Variants in SLC8A2 observed in about 807,000 individuals in gnomAD.
SLC8A2 encodes solute carrier family 8 member A2.
SLC8A2 carries 14 observed loss-of-function variants against 70.2 expected under a neutral mutation model. That is an observed-to-expected ratio of 0.20 (90% CI 0.13 to 0.31). SLC8A2 has a LOEUF of 0.31. Ranked by LOEUF, SLC8A2 falls within the 10% of genes least tolerant of loss-of-function variation. The probability of loss-of-function intolerance (pLI) is 1.00; values close to 1 mark genes in which losing one functional copy is unlikely to be tolerated. For synonymous variants in SLC8A2, 575 were observed against 594.3 expected, an observed-to-expected ratio of 0.97 and a Z score of 0.47; for missense variants, 779 against 1,320.1, an observed-to-expected ratio of 0.59 and a Z score of 6.35.
In SLC8A2 at chr19:47,465,934, G is replaced by A. The variant is rs369618746; in HGVS notation, c.470C>T (p.Ala157Val). ...VIEVCGHNFQAGELGPGTIVG... is the reference protein window; with the variant it reads ...VIEVCGHNFQVGELGPGTIVG... ...GATGGTGCCTGGGCCCAGCTCACCC[G>A]CCTGGAAGTTGTGGCCGCAGACTTC... is the stretch of plus-strand genomic sequence containing the variant. The change falls in exon 2 of 10, where the codon GCG becomes GTG. Residue 157 changes from alanine (A) to valine (V), a missense_variant. Coordinates refer to ENST00000236877, the MANE Select transcript of SLC8A2 (RefSeq NM_015063.3). The surrounding 1 kb of genome is among the most constrained non-coding windows in gnomAD (Gnocchi z 5.5). 5 of 1,614,136 alleles carry A rather than the reference G, an allele frequency of 3.1e-6. No homozygotes were observed. The highest frequency in any genetic ancestry group is 1.7e-5 in the Admixed American group (1 of 60,020).
Position 47,430,550 on chromosome 19 carries a change from C to G in SLC8A2, c.2390-85G>C. 1 of 1,402,712 alleles carries G rather than the reference C, an allele frequency of 7.1e-7. No homozygotes were observed. The highest frequency in any genetic ancestry group is 2.7e-5 in the Admixed American group (1 of 37,312). 86.9% of individuals were successfully genotyped at this position (1,402,712 alleles called of 1,614,324 possible). ...ATCCGCCTGCCCCCTCCCAGCCTTT[C>G]CCGGTCGCCTGCTTTCTGCGGGCAG... On this transcript the variant is annotated intron_variant, in intron 9 of 9. Transcript: ENST00000236877. This position sits in a 1 kb window ranked among gnomAD's most constrained non-coding sequence, Gnocchi z 5.9.
At position 47,447,668 on chromosome 19, in the gene SLC8A2, G is replaced by A; in HGVS notation, c.1763+141C>T. On this transcript the variant is annotated intron_variant, in intron 4 of 9. Transcript: ENST00000236877. The surrounding 1 kb of genome is among the most constrained non-coding windows in gnomAD (Gnocchi z 5.1). Reference sequence around the variant, plus strand: ...CCGCCCACGTTGCGGGCACGGCCACGCAGGCCCCTCCCCTCCCGAGGCCCA... The same window carrying A: ...CCGCCCACGTTGCGGGCACGGCCACACAGGCCCCTCCCCTCCCGAGGCCCA... The A allele has an allele frequency of 2.3e-6, 2 of 874,250 alleles. No individual in the cohort carries two copies. The highest frequency in any genetic ancestry group is 3.3e-6 in the Non-Finnish European group (2 of 609,354). The allele number at this position is 874,250 out of a possible 1,614,324, so 54.2% of individuals were successfully genotyped here.
In SLC8A2 at chr19:47,465,572, G is replaced by T. The variant is rs1004708578; in HGVS notation, c.675+157C>A. Reference sequence around the variant, plus strand: ...TTGCCCTGTTTGGCTCAATTCCCTTGTGTAGTCTGGTGACCTGCACAACCG... The same window carrying T: ...TTGCCCTGTTTGGCTCAATTCCCTTTTGTAGTCTGGTGACCTGCACAACCG... On this transcript the variant is annotated intron_variant, in intron 2 of 9. Coordinates refer to ENST00000236877, the MANE Select transcript of SLC8A2 (RefSeq NM_015063.3). This position sits in a 1 kb window ranked among gnomAD's most constrained non-coding sequence, Gnocchi z 5.5. Among the ~76,000 whole-genome samples, 3 of 152,216 alleles carry T rather than the reference G, an allele frequency of 2.0e-5. No homozygotes were observed. The highest frequency in any genetic ancestry group is 2.9e-5 in the Non-Finnish European group (2 of 68,048).
intron 8 of SLC8A2, among the ~76,000 whole-genome samples, chr19:47,435,771 C>T (rs1441728335): frequency 3.9e-5 from 6 of 152,090 alleles, no homozygotes; most frequent in Admixed American, 2.6e-4. Flanking sequence ...TGGTCTCGAA[C>T]TCCTGACCTC....
In SLC8A2 at chr19:47,429,998, C is replaced by G; in HGVS notation, c.*91G>C. 7.3e-7 allele frequency: 1 copy of G among 1,367,636 alleles called. No individual in the cohort carries two copies. Among genetic ancestry groups the G allele is most frequent in the East Asian group, 2.5e-5 (1 of 39,776 alleles). 84.7% of individuals were successfully genotyped at this position (1,367,636 alleles called of 1,614,324 possible). A position where few individuals can be genotyped will look rare whatever the true frequency, so the allele number is the denominator to read the frequency against. ...CGAGTCCCAGGAGAGGAGGCCGAGT[C>G]TGGGGGGAAAAGGAGACCAGGGTCC... is the stretch of plus-strand genomic sequence containing the variant. On this transcript the variant is annotated 3_prime_UTR_variant, in exon 10 of 10. Coordinates refer to ENST00000236877, the MANE Select transcript of SLC8A2 (RefSeq NM_015063.3).
chr19:47,449,912 G>A (rs1189926694), intron 3 of SLC8A2, among the ~76,000 whole-genome samples: 4 of 152,142 alleles, frequency 2.6e-5, no homozygotes, highest in Non-Finnish European at 5.9e-5. Context: ...GCAGAGGAGG[G>A]ACACGAGCTG....
At position 47,457,567 on chromosome 19, in the gene SLC8A2, A is replaced by G; in HGVS notation, c.703T>C (p.Phe235Leu). The G allele has an allele frequency of 6.3e-7, 1 of 1,580,950 alleles. No homozygotes were observed. Among genetic ancestry groups the G allele is most frequent in the Non-Finnish European group, 8.6e-7 (1 of 1,163,536 alleles). ...GCGAATACCACGCACACCGGGAAGA[A>G]GACCAGGGTCAGCAGCGCCTCCCAC... Reference protein sequence around the residue: ...QVWEALLTLVFFPVCVVFAWM... With the variant: ...QVWEALLTLVLFPVCVVFAWM... The change falls in exon 3 of 10, where the codon TTC (phenylalanine) becomes CTC (leucine). Residue 235 changes from phenylalanine to leucine, a missense_variant. Transcript: ENST00000236877.
rs115818790 is a variant in SLC8A2 at position 47,443,503 on chromosome 19, C to G, written c.1764-2063G>C. 2.9e-3 allele frequency among the ~76,000 whole-genome samples: 444 copies of G among 152,308 alleles called. 2 individuals carry two copies. The highest frequency in any genetic ancestry group is 0.01 in the African/African-American group (416 of 41,564). ...ACACAGTCACCCAATCGAGGAAGCA[C>G]AGCCGATCACACCGCCCACACCCAC... On this transcript the variant is annotated intron_variant, in intron 4 of 9. Coordinates refer to ENST00000236877, the MANE Select transcript of SLC8A2 (RefSeq NM_015063.3).
At position 47,447,140 on chromosome 19, in the gene SLC8A2, C is replaced by A. The variant is rs1286069246; in HGVS notation, c.1763+669G>T. 6.6e-6 allele frequency among the ~76,000 whole-genome samples: 1 copy of A among 151,868 alleles called. No homozygotes were observed. Among genetic ancestry groups the A allele is most frequent in the East Asian group, 1.9e-4 (1 of 5,178 alleles). On this transcript the variant is annotated intron_variant, in intron 4 of 9. Transcript: ENST00000236877. This position sits in a 1 kb window ranked among gnomAD's most constrained non-coding sequence, Gnocchi z 5.1. Reference sequence around the variant, plus strand: ...GCCCCACCCCTTCCCTAGCTCCGCGCGCCCAGGCCCCACCCATCTTGTTAG... The same window carrying A: ...GCCCCACCCCTTCCCTAGCTCCGCGAGCCCAGGCCCCACCCATCTTGTTAG...
chr19:47,430,249 C>T lies in SLC8A2; in HGVS notation c.2606G>A (p.Gly869Asp). The change falls in exon 10 of 10, where the codon GGC becomes GAC. Residue 869 changes from glycine to aspartate, a missense_variant. Physicochemically the swap from Gly to Asp is moderately conservative, Grantham distance 94. Coordinates refer to ENST00000236877, the MANE Select transcript of SLC8A2 (RefSeq NM_015063.3). The surrounding 1 kb of genome is among the most constrained non-coding windows in gnomAD (Gnocchi z 5.9). ...VTLFTVFAFV[G>D]IAVLLYRRRP... ...GCGCCGGTACAGCAGCACGGCAATG[C>T]CCACGAAGGCGAAGACGGTGAAGAG... 1 of 1,611,534 alleles carries T rather than the reference C, an allele frequency of 6.2e-7. No individual in the cohort carries two copies. Among genetic ancestry groups the T allele is most frequent in the Non-Finnish European group, 8.5e-7 (1 of 1,178,860 alleles).
intron 4 of SLC8A2, among the ~76,000 whole-genome samples, chr19:47,443,294 G>A (rs1435712915): frequency 2.0e-5 from 3 of 152,138 alleles, no homozygotes; most frequent in Non-Finnish European, 4.4e-5. Flanking sequence ...TGGTAACCAG[G>A]GGGTGGCAGG....
At chr19:47,437,175 G>A (rs184679679) in intron 8 of SLC8A2, among the ~76,000 whole-genome samples, 67 of 151,422 alleles carry the variant, frequency 4.4e-4, no homozygotes, top group African/African-American at 1.6e-3. Flanking sequence ...TTCTCCCTGT[G>A]TATTTCTGTG....
chr19:47,462,878 G>A (rs1453067598), intron 2 of SLC8A2, among the ~76,000 whole-genome samples: 4 of 152,076 alleles, frequency 2.6e-5, no homozygotes, highest in Non-Finnish European at 5.9e-5. Context: ...GTGAGCCACT[G>A]TGCCCGGCCT....
chr19:47,470,085 G>T (rs558235597), intron 1 of SLC8A2, among the ~76,000 whole-genome samples: 1 of 152,134 alleles, frequency 6.6e-6, no homozygotes. Flanking sequence ...TTGCAGGACC[G>T]AGCTGGGGAC....
intron 8 of SLC8A2, 107 bp downstream of exon 8, chr19:47,437,355 G>T (rs926309591): frequency 2.4e-6 from 2 of 832,548 alleles, no homozygotes; most frequent in Non-Finnish European, 4.0e-6. Context: ...GAGCCACCGC[G>T]CCCGGCCTGT....
At chr19:47,438,695 C>T (rs190832339) in intron 6 of SLC8A2, among the ~76,000 whole-genome samples, 63 of 152,302 alleles carry the variant, frequency 4.1e-4, no homozygotes, top group Admixed American at 4.1e-3. Context: ...AACACTGACT[C>T]CAAACCCCAA....
chr19:47,452,448 GTGTGT>G (rs1967255405), intron 3 of SLC8A2, among the ~76,000 whole-genome samples: 1 of 53,520 alleles, frequency 1.9e-5, no homozygotes, highest in Admixed American at 2.6e-4. Context: ...GAGAGAGAGT[GTGTGT>G]GTGTGTGTGT....
At position 47,468,570 on chromosome 19, in the gene SLC8A2, G is replaced by A. The variant is rs924133690; in HGVS notation, c.-16-2151C>T. On this transcript the variant is annotated intron_variant, in intron 1 of 9. Coordinates refer to ENST00000236877, the MANE Select transcript of SLC8A2 (RefSeq NM_015063.3). This position sits in a 1 kb window ranked among gnomAD's most constrained non-coding sequence, Gnocchi z 5.1. ...CCCAAAGTGCTGGGATCACAGGTGC[G>A]TGCCACCGTGCCCCGCCCACTCTTC... Among the ~76,000 whole-genome samples, 7 of 152,132 alleles carry A rather than the reference G, an allele frequency of 4.6e-5. No individual in the cohort carries two copies. Among genetic ancestry groups the A allele is most frequent in the African/African-American group, 1.2e-4 (5 of 41,422 alleles).
At chr19:47,440,787 C>A (rs1454540802) in intron 6 of SLC8A2, among the ~76,000 whole-genome samples, 1 of 152,084 alleles carries the variant, frequency 6.6e-6, no homozygotes, top group East Asian at 1.9e-4. Context: ...GACGGAGTTT[C>A]ACCATGTTGG....
Sources: gnomAD v4.1 joint callset for allele counts (sites outside exome capture counted in the v4.1 genomes callset) on GRCh38, gnomAD v4.1.1 for gene constraint, Gnocchi (gnomAD v3.1) non-coding constraint, MANE v1.5 for transcripts, NCBI Gene and HGNC (gene_info 2026-07-23, HGNC 2026-07-21) for gene names.